The following GPC6 variants were observed in gnomAD, a reference collection of about 807,000 sequenced individuals.
GPC6 encodes glypican-6.
Under a neutral mutation model 55.2 loss-of-function variants are expected in GPC6, and 14 were observed. The observed-to-expected ratio is 0.25, with a 90% CI of 0.17 to 0.40. The LOEUF (loss-of-function observed/expected upper bound fraction) is 0.40, where lower values mean the gene tolerates loss of function less well. Among genes scored for constraint, GPC6 ranks in the 10% least tolerant of loss-of-function variants. The pLI is 1.00. For synonymous variants in GPC6, 278 were observed against 259.6 expected, an observed-to-expected ratio of 1.07 and a Z score of -0.68; for missense variants, 641 against 708.5, an observed-to-expected ratio of 0.90 and a Z score of 1.08.
intron 4 of GPC6, among the ~76,000 whole-genome samples, chr13:94,076,639 T>C (rs1884924281): frequency 6.6e-6 from 1 of 152,008 alleles, no homozygotes; most frequent in Non-Finnish European, 1.5e-5. Context: ...TTTAATCAAT[T>C]TTGGGTGGGA....
At chr13:94,139,904 TAG>T (rs1887315701) in intron 4 of GPC6, among the ~76,000 whole-genome samples, 1 of 152,174 alleles carries the variant, frequency 6.6e-6, no homozygotes, top group Non-Finnish European at 1.5e-5. Flanking sequence ...CATTGACACA[TAG>T]TAAGAGCTAC....
intron 1 of GPC6, among the ~76,000 whole-genome samples, chr13:93,443,470 G>A (rs1051888850): frequency 2.0e-4 from 31 of 152,228 alleles, no homozygotes; most frequent in African/African-American, 7.0e-4. Context: ...CCTTGGTGGG[G>A]GCTAAGCATA....
At chr13:93,249,752 G>A (rs1876720492) in intron 1 of GPC6, among the ~76,000 whole-genome samples, 1 of 152,184 alleles carries the variant, frequency 6.6e-6, no homozygotes, top group South Asian at 2.1e-4. Flanking sequence ...TCCAGGAAAT[G>A]GCTCATTTTA....
intron 2 of GPC6, among the ~76,000 whole-genome samples, chr13:93,737,726 T>C (rs1431564559): frequency 3.9e-5 from 6 of 152,154 alleles, no homozygotes; most frequent in African/African-American, 1.4e-4. Flanking sequence ...TAATTTTTTA[T>C]AAAATGTTCC....
At chr13:93,795,803 C>T (rs571317551) in intron 2 of GPC6, among the ~76,000 whole-genome samples, 2 of 152,230 alleles carry the variant, frequency 1.3e-5, no homozygotes, top group African/African-American at 4.8e-5. Context: ...CTGAACACTG[C>T]AGTATGTACT....
intron 2 of GPC6, among the ~76,000 whole-genome samples, chr13:93,586,211 T>C (rs1200936125): frequency 6.6e-6 from 1 of 151,112 alleles, no homozygotes; most frequent in Non-Finnish European, 1.5e-5. Context: ...GAAGAAACAC[T>C]ATTTGGTTTA....
At chr13:93,745,133 G>A (rs987254527) in intron 2 of GPC6, among the ~76,000 whole-genome samples, 9 of 151,954 alleles carry the variant, frequency 5.9e-5, no homozygotes, top group South Asian at 4.2e-4. Context: ...GGACAAACCC[G>A]ATCTTAGGCT....
intron 8 of GPC6, among the ~76,000 whole-genome samples, chr13:94,399,257 T>G (rs1448967412): frequency 6.6e-6 from 1 of 152,178 alleles, no homozygotes; most frequent in Non-Finnish European, 1.5e-5. Flanking sequence ...ACACAACCCA[T>G]AGACATTTAT....
At chr13:94,334,350 C>G (rs1877573594) in intron 6 of GPC6, among the ~76,000 whole-genome samples, 1 of 152,250 alleles carries the variant, frequency 6.6e-6, no homozygotes, top group Non-Finnish European at 1.5e-5. Context: ...CTCAGCTGTA[C>G]ATTACAACCA....
chr13:94,056,803 A>G (rs1433900873), intron 4 of GPC6, among the ~76,000 whole-genome samples: 1 of 152,238 alleles, frequency 6.6e-6, no homozygotes, highest in Non-Finnish European at 1.5e-5. Context: ...TAGTTAAAAC[A>G]TAAAGCATGT....
intron 3 of GPC6, among the ~76,000 whole-genome samples, chr13:93,887,917 T>A (rs1470583526): frequency 2.6e-5 from 4 of 152,240 alleles, no homozygotes; most frequent in Middle Eastern, 6.8e-3. Flanking sequence ...CATCAGGACA[T>A]TCTGACTACG....
chr13:93,796,719 AT>A (rs1214410346), intron 2 of GPC6, among the ~76,000 whole-genome samples: 1 of 152,156 alleles, frequency 6.6e-6, no homozygotes, highest in Non-Finnish European at 1.5e-5. Context: ...GCAAAGTGAA[AT>A]CTATTTTTTT....
At chr13:93,261,845 T>C (rs61963748) in intron 1 of GPC6, among the ~76,000 whole-genome samples, 24,405 of 151,724 alleles carry the variant, frequency 0.16, 2,178 homozygotes, top group Admixed American at 0.22. Flanking sequence ...GCAAATGTCG[T>C]TGGGAATAAA....
intron 6 of GPC6, among the ~76,000 whole-genome samples, chr13:94,359,277 A>G (rs1878947083): frequency 6.6e-6 from 1 of 152,198 alleles, no homozygotes; most frequent in Admixed American, 6.5e-5. Flanking sequence ...ACTATTTTCA[A>G]AAGACTGTTT....
chr13:93,598,118 T>C (rs865937245), intron 2 of GPC6, among the ~76,000 whole-genome samples: 6 of 152,220 alleles, frequency 3.9e-5, no homozygotes, highest in South Asian at 4.1e-4. Context: ...CACTCCAGCC[T>C]GGCAACAGAG....
intron 3 of GPC6, among the ~76,000 whole-genome samples, chr13:93,950,416 T>A (rs1879201183): frequency 1.3e-5 from 2 of 152,092 alleles, no homozygotes; most frequent in South Asian, 4.2e-4. Context: ...GAATATGCTA[T>A]TTTTTTTCCA....
At position 93,891,678 on chromosome 13, in the gene GPC6, CTATA is replaced by C. The variant is rs376210261; in HGVS notation, c.711+61138_711+61141del. On this transcript the variant is annotated intron_variant, in intron 3 of 8. Coordinates refer to ENST00000377047, the MANE Select transcript of GPC6 (RefSeq NM_005708.5). ...TGTACACACACACATTCTATACACA[CTATA>C]TATACACATTTACAATGTGTATAGT... is the stretch of plus-strand genomic sequence containing the variant. 4.6e-3 allele frequency among the ~76,000 whole-genome samples: 705 copies of C among 152,116 alleles called. 7 individuals are homozygous for C. The highest frequency in any genetic ancestry group is 0.016 in the African/African-American group (674 of 41,506).
chr13:93,860,045 T>C (rs1888760678), intron 3 of GPC6, among the ~76,000 whole-genome samples: 1 of 151,688 alleles, frequency 6.6e-6, no homozygotes, highest in African/African-American at 2.4e-5. Context: ...TGTTAGCTTG[T>C]GTCATTTGTC....
At chr13:94,318,104 C>T (rs899281330) in intron 6 of GPC6, among the ~76,000 whole-genome samples, 2 of 152,104 alleles carry the variant, frequency 1.3e-5, no homozygotes, top group Non-Finnish European at 2.9e-5. Context: ...CATGAATTGG[C>T]ACCGCTCTCG....
Sources: gnomAD v4.1 joint callset for allele counts (sites outside exome capture counted in the v4.1 genomes callset) on GRCh38, gnomAD v4.1.1 for gene constraint, MANE v1.5 for transcripts, NCBI Gene and HGNC (gene_info 2026-07-23, HGNC 2026-07-21) for gene names.